Variants in RNF13 observed in about 807,000 individuals in gnomAD.
The protein encoded by RNF13 is ring finger protein 13, also known as E3 ubiquitin-protein ligase RNF13.
In RNF13, 19 loss-of-function variants were observed where a neutral mutation model predicts 37.7. The ratio of observed to expected loss-of-function variants is 0.50; its 90% CI spans 0.35 to 0.74. The LOEUF (loss-of-function observed/expected upper bound fraction) is 0.74. Ranked by LOEUF, RNF13 falls within the 30% of genes least tolerant of loss-of-function variation. The pLI is 0.01. For missense variants in RNF13, 375 were observed against 453.0 expected (o/e 0.83, Z 1.56); for synonymous variants, 144 against 157.8 (o/e 0.91, Z 0.65).
chr3:149,819,083 A>G (rs573330307), intron 1 of RNF13, among the ~76,000 whole-genome samples: 21 of 152,224 alleles, frequency 1.4e-4, no homozygotes, highest in Admixed American at 3.9e-4. Flanking sequence ...TTAACCTCTC[A>G]GTTCATTTCC....
At chr3:149,928,119 C>A (rs1011795954) in intron 8 of RNF13, among the ~76,000 whole-genome samples, 11 of 151,268 alleles carry the variant, frequency 7.3e-5, no homozygotes, top group Non-Finnish European at 1.6e-4. Context: ...TCAAGACTAC[C>A]CAAAGCAGTC....
At chr3:149,827,167 T>G (rs1399199810) in intron 1 of RNF13, among the ~76,000 whole-genome samples, 2 of 152,226 alleles carry the variant, frequency 1.3e-5, no homozygotes, top group Non-Finnish European at 2.9e-5. Flanking sequence ...AATGGATGGT[T>G]GCATCTGTAC....
chr3:149,948,264 A>G (rs116485458), intron 8 of RNF13, among the ~76,000 whole-genome samples: 1,952 of 152,214 alleles, frequency 0.013, 34 homozygotes, highest in African/African-American at 0.044. Flanking sequence ...GTGTTTTTAG[A>G]TATAAAATGA....
At chr3:149,852,860 G>T (rs749055041) in intron 3 of RNF13, among the ~76,000 whole-genome samples, 1 of 151,602 alleles carries the variant, frequency 6.6e-6, no homozygotes, top group Non-Finnish European at 1.5e-5. Flanking sequence ...TGCTATGCGT[G>T]TGTTTGTAGA....
At chr3:149,871,411 A>C (rs191209306) in intron 3 of RNF13, among the ~76,000 whole-genome samples, 1 of 149,206 alleles carries the variant, frequency 6.7e-6, no homozygotes, top group East Asian at 2.0e-4. Flanking sequence ...TACTTTTTAA[A>C]TTCATGGTTA....
intron 5 of RNF13, among the ~76,000 whole-genome samples, chr3:149,896,340 G>A (rs975080718): frequency 6.6e-6 from 1 of 152,168 alleles, no homozygotes; most frequent in African/African-American, 2.4e-5. Flanking sequence ...TAAAGCTATA[G>A]ACTGATAGAA....
intron 5 of RNF13, among the ~76,000 whole-genome samples, chr3:149,901,161 G>A (rs1715790577): frequency 6.6e-6 from 1 of 152,110 alleles, no homozygotes; most frequent in Non-Finnish European, 1.5e-5. Context: ...TCCTTGGATG[G>A]GAAAGATTAT....
chr3:149,908,007 T>A (rs9836197), intron 6 of RNF13, among the ~76,000 whole-genome samples: 137,288 of 152,282 alleles, frequency 0.9, 61,982 homozygotes, highest in African/African-American at 0.94. Flanking sequence ...CTCTTGCCAG[T>A]AATACATATT....
intron 8 of RNF13, among the ~76,000 whole-genome samples, chr3:149,934,702 C>T (rs921018571): frequency 2.6e-5 from 4 of 151,210 alleles, no homozygotes; most frequent in African/African-American, 9.7e-5. Flanking sequence ...TGGCTCAAGG[C>T]TGGAGTGCAG....
intron 8 of RNF13, among the ~76,000 whole-genome samples, chr3:149,947,864 TTGATA>T (rs1289214415): frequency 6.6e-6 from 1 of 152,190 alleles, no homozygotes; most frequent in African/African-American, 2.4e-5. Flanking sequence ...TCTATTCTGT[TTGATA>T]TATGTATGGC....
chr3:149,894,724 A>G (rs921153955), intron 4 of RNF13, among the ~76,000 whole-genome samples: 1 of 152,096 alleles, frequency 6.6e-6, no homozygotes, highest in Non-Finnish European at 1.5e-5. Flanking sequence ...TTTTTATTTT[A>G]TTCAACCAAT....
intron 8 of RNF13, among the ~76,000 whole-genome samples, chr3:149,945,856 C>G (rs193093870): frequency 1.3e-5 from 2 of 152,310 alleles, no homozygotes; most frequent in African/African-American, 4.8e-5. Context: ...AGCTGAGGGT[C>G]CTGACTGTTA....
At chr3:149,869,357 G>C (rs572254176) in intron 3 of RNF13, among the ~76,000 whole-genome samples, 20 of 151,954 alleles carry the variant, frequency 1.3e-4, no homozygotes, top group Non-Finnish European at 1.9e-4. Context: ...TGTAATCCCA[G>C]CACTTTGGGA....
chr3:149,948,162 G>C (rs1211119850), intron 8 of RNF13, among the ~76,000 whole-genome samples: 1 of 151,900 alleles, frequency 6.6e-6, no homozygotes, highest in Non-Finnish European at 1.5e-5. Context: ...TGCTGGCCAG[G>C]CTGGTCTCGA....
rs1711497473 is a variant in RNF13 at position 149,866,678 on chromosome 3, A to G, written c.196-5351A>G. 2.6e-5 allele frequency among the ~76,000 whole-genome samples: 4 copies of G among 152,178 alleles called. 1 individual carries two copies. The South Asian group carries it at 8.3e-4, about 32-fold the overall frequency. ...AGACACCTCTGACATGTTTATTACT[A>G]TAAACTTCCCTCTTAATACTGCTTT... On this transcript the variant is annotated intron_variant, in intron 3 of 9. Transcript: ENST00000392894.
At chr3:149,875,962 A>G (rs568677773) in intron 4 of RNF13, among the ~76,000 whole-genome samples, 1 of 5,380 alleles carries the variant, frequency 1.9e-4, no homozygotes, top group African/African-American at 1.2e-3. Context: ...CATCCCAGTG[A>G]GAAATACGAC....
intron 4 of RNF13, among the ~76,000 whole-genome samples, chr3:149,890,748 C>A (rs1280804392): frequency 6.6e-6 from 1 of 152,064 alleles, no homozygotes; most frequent in Non-Finnish European, 1.5e-5. Context: ...TTTTAAGATA[C>A]CATTTGCCCT....
At chr3:149,908,915 A>AT (rs1418795197) in intron 6 of RNF13, among the ~76,000 whole-genome samples, 1 of 152,028 alleles carries the variant, frequency 6.6e-6, no homozygotes, top group African/African-American at 2.4e-5. Flanking sequence ...ATAAGACCCT[A>AT]TTTTCTGGGT....
chr3:149,826,155 A>C (rs1412730680), intron 1 of RNF13, among the ~76,000 whole-genome samples: 1 of 152,238 alleles, frequency 6.6e-6, no homozygotes, highest in Non-Finnish European at 1.5e-5. Flanking sequence ...GCCTGAGCGC[A>C]GTGCTGAGCT....
Sources: gnomAD v4.1 joint callset for allele counts (sites outside exome capture counted in the v4.1 genomes callset) on GRCh38, gnomAD v4.1.1 for gene constraint, MANE v1.5 for transcripts, NCBI Gene and HGNC (gene_info 2026-07-23, HGNC 2026-07-21) for gene names.